MAGI2: variants seen among roughly 807,000 people sequenced by gnomAD.
MAGI2 encodes membrane associated guanylate kinase, WW and PDZ domain containing 2.
Under a neutral mutation model 133.3 loss-of-function variants are expected in MAGI2, and 35 were observed. The ratio of observed to expected loss-of-function variants is 0.26; its 90% CI spans 0.20 to 0.35. MAGI2 has a LOEUF of 0.35. Among genes scored for constraint, MAGI2 ranks in the 10% least tolerant of loss-of-function variants. The pLI, the probability that MAGI2 is intolerant of heterozygous loss-of-function variation, is 1.00. For synonymous variants in MAGI2, 729 were observed against 710.6 expected, an observed-to-expected ratio of 1.03 and a Z score of -0.41; for missense variants, 1,636 against 1,863.4, an observed-to-expected ratio of 0.88 and a Z score of 2.25.
chr7:79,322,374 A>T (rs983028172), intron 1 of MAGI2, among the ~76,000 whole-genome samples: 12 of 152,114 alleles, frequency 7.9e-5, no homozygotes, highest in African/African-American at 2.9e-4. Flanking sequence ...ATCTTCAGAA[A>T]GCCAGTGTAG....
intron 3 of MAGI2, among the ~76,000 whole-genome samples, chr7:78,564,375 T>C (rs1800720999): frequency 6.6e-6 from 1 of 152,250 alleles, no homozygotes; most frequent in South Asian, 2.1e-4. Flanking sequence ...TAGATTAATT[T>C]CATAACCACT....
In MAGI2 at chr7:78,838,509, A is replaced by T. The variant is rs199529625; in HGVS notation, c.418+168581T>A. ...ATTAAATAAAAGCATTATGTGTGTG[A>T]GTGTGTGTGTGTGTGTGTGTGTGTG... On this transcript the variant is annotated intron_variant, in intron 2 of 21. Coordinates refer to ENST00000354212, the MANE Select transcript of MAGI2 (RefSeq NM_012301.4). Among the ~76,000 whole-genome samples the T allele has an allele frequency of 1.2e-4, 18 of 147,850 alleles. No individual in the cohort carries two copies. The East Asian group carries it at 2.2e-3, about 18-fold the overall frequency.
chr7:78,355,185 T>C (rs1791941407), intron 7 of MAGI2, among the ~76,000 whole-genome samples: 1 of 152,220 alleles, frequency 6.6e-6, no homozygotes, highest in Non-Finnish European at 1.5e-5. Context: ...AAATAACTTG[T>C]TTGTTCTTTT....
At chr7:78,876,367 T>C (rs566953700) in intron 2 of MAGI2, among the ~76,000 whole-genome samples, 2 of 146,354 alleles carry the variant, frequency 1.4e-5, no homozygotes, top group Non-Finnish European at 3.0e-5. Flanking sequence ...TTTGGTCCAA[T>C]GTATATGTAA....
intron 15 of MAGI2, 131 bp from the exon 16 acceptor site, chr7:78,160,404 G>A (rs1314816163): frequency 7.1e-6 from 7 of 991,612 alleles, no homozygotes; most frequent in African/African-American, 1.6e-5. Flanking sequence ...CTTTCTCCCA[G>A]ATTTGCAGAG....
intron 3 of MAGI2, among the ~76,000 whole-genome samples, chr7:78,589,566 C>T (rs7792998): frequency 0.048 from 7,292 of 152,094 alleles, 473 homozygotes; most frequent in South Asian, 0.15. Context: ...ATCTGCTTTC[C>T]GACCCTAATT....
chr7:78,058,791 G>A (rs1812926659), intron 21 of MAGI2, among the ~76,000 whole-genome samples: 1 of 152,132 alleles, frequency 6.6e-6, no homozygotes, highest in Non-Finnish European at 1.5e-5. Flanking sequence ...TTATTTTATG[G>A]ATGAGTAGAC....
intron 15 of MAGI2, among the ~76,000 whole-genome samples, chr7:78,162,072 G>A (rs56096330): frequency 0.12 from 18,166 of 152,174 alleles, 1,435 homozygotes; most frequent in Non-Finnish European, 0.18. Context: ...GGATAGTCAG[G>A]AAGAACAAAA....
chr7:79,435,475 A>G (rs1158821965), intron 1 of MAGI2, among the ~76,000 whole-genome samples: 2 of 152,224 alleles, frequency 1.3e-5, no homozygotes, highest in Non-Finnish European at 2.9e-5. Context: ...TCTAATTTTT[A>G]TATATCAATT....
chr7:79,122,376 G>A (rs527953083), intron 1 of MAGI2, among the ~76,000 whole-genome samples: 2 of 152,156 alleles, frequency 1.3e-5, no homozygotes, highest in Non-Finnish European at 2.9e-5. Context: ...TGACTATGCA[G>A]GACAAAACTG....
intron 1 of MAGI2, among the ~76,000 whole-genome samples, chr7:79,221,812 A>G (rs2129553494): frequency 6.6e-6 from 1 of 152,132 alleles, no homozygotes; most frequent in South Asian, 2.1e-4. Context: ...GTAGGCATAA[A>G]ATGGCAAAGG....
intron 2 of MAGI2, among the ~76,000 whole-genome samples, chr7:78,699,637 C>G (rs1817866880): frequency 6.6e-6 from 1 of 152,126 alleles, no homozygotes; most frequent in South Asian, 2.1e-4. Flanking sequence ...TTGGGTTCAT[C>G]CTTGCATTTG....
At chr7:79,149,379 A>T (rs78511123) in intron 1 of MAGI2, among the ~76,000 whole-genome samples, 71 of 151,886 alleles carry the variant, frequency 4.7e-4, no homozygotes, top group African/African-American at 1.7e-3. Context: ...CTCCTCTCAT[A>T]ACATGATTTT....
intron 1 of MAGI2, among the ~76,000 whole-genome samples, chr7:79,122,513 C>T (rs1166481969): frequency 1.3e-5 from 2 of 152,140 alleles, no homozygotes; most frequent in Non-Finnish European, 2.9e-5. Context: ...TCAGTTGATA[C>T]ATAGAGTTTA....
Position 78,073,323 on chromosome 7 carries a change from G to T in MAGI2, c.3706+5624C>A, listed in dbSNP as rs550755640. On this transcript the variant is annotated intron_variant, in intron 21 of 21. Coordinates refer to ENST00000354212, the MANE Select transcript of MAGI2 (RefSeq NM_012301.4). ...CACTGATTGGCTGTTTCTCCCCCTT[G>T]GTGTGGGTATGTGGCATTAGTTGTC... is the stretch of plus-strand genomic sequence containing the variant. Among the ~76,000 whole-genome samples the T allele has an allele frequency of 7.0e-3, 1,067 of 152,022 alleles. 16 individuals are homozygous for T. Among genetic ancestry groups the T allele is most frequent in the African/African-American group, 0.025 (1,020 of 41,450 alleles).
intron 3 of MAGI2, among the ~76,000 whole-genome samples, chr7:78,594,872 G>T (rs1332150595): frequency 6.6e-6 from 1 of 152,088 alleles, no homozygotes; most frequent in African/African-American, 2.4e-5. Flanking sequence ...CCCAGTACTT[G>T]GTCCCATTAA....
At chr7:79,115,854 G>GTTTTTTTTTTTTTT (rs59398227) in intron 1 of MAGI2, among the ~76,000 whole-genome samples, 3 of 93,944 alleles carry the variant, frequency 3.2e-5, no homozygotes, top group African/African-American at 1.3e-4. Context: ...ATGTTTTAAA[G>GTTTTTTTTTTTTTT]TTTTTTTTTT....
chr7:79,185,516 AT>A (rs71095383), intron 1 of MAGI2, among the ~76,000 whole-genome samples: 65,980 of 126,416 alleles, frequency 0.52, 18,517 homozygotes, highest in Non-Finnish European at 0.67. Context: ...CAATTTGGTC[AT>A]TTTTTTTTTT....
chr7:78,044,260 G>C (rs3807777), intron 21 of MAGI2, among the ~76,000 whole-genome samples: 1 of 152,022 alleles, frequency 6.6e-6, no homozygotes, highest in African/African-American at 2.4e-5. Context: ...TAGACATATG[G>C]CTGCTTTAAC....
Sources: allele counts gnomAD v4.1 joint callset (sites outside exome capture counted in the v4.1 genomes callset), GRCh38; gene constraint gnomAD v4.1.1; transcripts MANE v1.5; gene names NCBI Gene and HGNC (gene_info 2026-07-23, HGNC 2026-07-21).